The following ABCA10 variants were observed in gnomAD, a reference collection of about 807,000 sequenced individuals.
ABCA10 encodes ATP-binding cassette sub-family A member 10.
A neutral mutation model predicts 187.5 loss-of-function variants in ABCA10; 169 were observed. That is an observed-to-expected ratio of 0.90 (90% CI 0.80 to 1.02). ABCA10 has a LOEUF of 1.02. Among genes scored for constraint, ABCA10 ranks in the 50% least tolerant of loss-of-function variants. ABCA10 has a pLI of 0.00. For synonymous variants in ABCA10, 574 were observed against 601.8 expected (o/e 0.95, Z 0.68); for missense variants, 1,727 against 1,812.4 (o/e 0.95, Z 0.86).
intron 2 of ABCA10, 69 bp from the exon 3 acceptor site, chr17:69,225,598 C>T: frequency 2.5e-6 from 1 of 407,412 alleles, no homozygotes; most frequent in Non-Finnish European, 4.4e-6. Context: ...CATCCAAACA[C>T]ATTTTTAAGG....
intron 23 of ABCA10, 138 bp from the exon 24 acceptor site, chr17:69,174,915 C>A (rs558079778): frequency 3.0e-6 from 2 of 675,822 alleles, no homozygotes; most frequent in African/African-American, 1.9e-5. Context: ...TCCTAAAAAT[C>A]TAGCATCTCC....
rs960479548 is a variant in ABCA10, at chr17:69,148,294, C to A, written c.*533G>T. ...CTTTCTTACAGATTATGGCTATCTTCTTCCATATAACTTCAATATGTACTA... is the reference window on the plus strand; with the variant it reads ...CTTTCTTACAGATTATGGCTATCTTATTCCATATAACTTCAATATGTACTA... On this transcript the variant is annotated 3_prime_UTR_variant, in exon 39 of 39. Coordinates refer to ENST00000690296, the MANE Select transcript of ABCA10 (RefSeq NM_001377321.1). 6 of 152,318 alleles carry A rather than the reference C, an allele frequency of 3.9e-5. No individual in the cohort carries two copies. Among genetic ancestry groups the A allele is most frequent in the Admixed American group, 3.9e-4 (6 of 15,288 alleles). 9.4% of individuals were successfully genotyped at this position (152,318 alleles called of 1,614,324 possible).
At chr17:69,225,647 T>C (rs2074787977) in intron 2 of ABCA10, 118 bp from the exon 3 acceptor site, 1 of 348,258 alleles carries the variant, frequency 2.9e-6, no homozygotes, top group African/African-American at 2.1e-5. Flanking sequence ...CATTTCAGTC[T>C]GTAATTTTTT....
intron 15 of ABCA10, among the ~76,000 whole-genome samples, 163 bp from the exon 16 acceptor site, chr17:69,192,816 T>C (rs893278718): frequency 5.3e-5 from 8 of 152,230 alleles, no homozygotes; most frequent in South Asian, 4.1e-4. Context: ...CCCATGCCTA[T>C]TGTGAAACAG....
At chr17:69,176,876 A>G (rs1433124447) in intron 22 of ABCA10, among the ~76,000 whole-genome samples, 1 of 152,116 alleles carries the variant, frequency 6.6e-6, no homozygotes, top group African/African-American at 2.4e-5. Context: ...ATAAAGGGGG[A>G]CTACTGTACT....
rs1211935821 is a variant in ABCA10 at position 69,148,843 on chromosome 17, G to A, written c.4616C>T (p.Pro1539Leu). ...IDTTVEWKLL[P>L]QEDP ...TTCTTCATTTTAAGGGTCTTCCTGT[G>A]GGAGAAGTTTCCATTCAACTGTTGT... is the stretch of plus-strand genomic sequence containing the variant. Residue 1539 changes from proline to leucine, a missense_variant, in exon 39 of 39, where the codon CCA becomes CTA. Physicochemically the swap from Pro to Leu is moderately conservative, Grantham distance 98. Transcript: ENST00000690296. 4 of 1,612,414 alleles carry A rather than the reference G, an allele frequency of 2.5e-6. No homozygotes were observed. Among genetic ancestry groups the A allele is most frequent in the Non-Finnish European group, 3.4e-6 (4 of 1,179,616 alleles).
In ABCA10 at chr17:69,205,906, TATTA is replaced by T. The variant is rs774235239; in HGVS notation, c.1007-4242_1007-4239del. On this transcript the variant is annotated intron_variant, in intron 9 of 38. Coordinates refer to ENST00000690296, the MANE Select transcript of ABCA10 (RefSeq NM_001377321.1). ...TAGAGATGAGGAATTTGTGTTACCA[TATTA>T]ATTATCAAAAAGCTCTCAGTTCGAT... Among the ~76,000 whole-genome samples, 17 of 152,310 alleles carry T rather than the reference TATTA, an allele frequency of 1.1e-4. No individual in the cohort carries two copies. The South Asian group carries it at 2.3e-3, about 20-fold the overall frequency.
At chr17:69,180,708 CTG>C (rs766032536) in intron 22 of ABCA10, among the ~76,000 whole-genome samples, 13 of 152,100 alleles carry the variant, frequency 8.5e-5, no homozygotes, top group Non-Finnish European at 5.9e-5. Context: ...CAGAGAGACA[CTG>C]TATTGTTTTA....
At chr17:69,151,373 C>T (rs2074127089) in intron 36 of ABCA10, among the ~76,000 whole-genome samples, 1 of 152,108 alleles carries the variant, frequency 6.6e-6, no homozygotes, top group African/African-American at 2.4e-5. Flanking sequence ...AAGGAAGAAC[C>T]TTGTCTATTT....
intron 1 of ABCA10, among the ~76,000 whole-genome samples, chr17:69,243,039 A>T (rs1332475343): frequency 2.0e-5 from 3 of 152,176 alleles, no homozygotes; most frequent in Non-Finnish European, 4.4e-5. Flanking sequence ...AGTTTAGTTG[A>T]TAGATACCCC....
At chr17:69,235,301 G>T (rs188102360) in intron 1 of ABCA10, among the ~76,000 whole-genome samples, 48 of 152,292 alleles carry the variant, frequency 3.2e-4, no homozygotes, top group Admixed American at 7.8e-4. Context: ...TATAACCGGT[G>T]ATTACAATCT....
intron 9 of ABCA10, among the ~76,000 whole-genome samples, chr17:69,204,434 G>A (rs1467873958): frequency 6.6e-6 from 1 of 152,134 alleles, no homozygotes; most frequent in Non-Finnish European, 1.5e-5. Flanking sequence ...AAGATGATTT[G>A]TTTTTAAGAC....
chr17:69,241,118 C>T (rs2074900949), intron 1 of ABCA10, among the ~76,000 whole-genome samples: 1 of 152,180 alleles, frequency 6.6e-6, no homozygotes, highest in Admixed American at 6.5e-5. Context: ...CTTCCACGGT[C>T]TTCTTCATCC....
chr17:69,194,579 C>G, intron 11 of ABCA10, 84 bp from the exon 12 acceptor site: 1 of 831,750 alleles, frequency 1.2e-6, no homozygotes, highest in South Asian at 1.9e-5. Context: ...TAAAATATAT[C>G]TCAGCATTTC....
intron 23 of ABCA10, 22 bp from the exon 24 acceptor site, chr17:69,174,799 A>T: frequency 1.3e-6 from 2 of 1,528,800 alleles, no homozygotes; most frequent in South Asian, 2.7e-5. Flanking sequence ...TAGAAGGGAT[A>T]GAGGAAGGGA....
At chr17:69,237,792 A>C (rs2074880876) in intron 1 of ABCA10, among the ~76,000 whole-genome samples, 1 of 152,170 alleles carries the variant, frequency 6.6e-6, no homozygotes, top group Non-Finnish European at 1.5e-5. Flanking sequence ...TTTGAAGAAG[A>C]CACAAGACAT....
chr17:69,153,876 G>A lies in ABCA10; in HGVS notation c.3920C>T (p.Ala1307Val), dbSNP rs937091663. 3.1e-6 allele frequency: 5 copies of A among 1,613,990 alleles called. No homozygotes were observed. The highest frequency in any genetic ancestry group is 4.2e-6 in the Non-Finnish European group (5 of 1,179,992). Residue 1307 changes from alanine (A) to valine (V), a missense_variant, in exon 32 of 39, where the codon GCT becomes GTT. Ala to Val is a moderately conservative substitution (Grantham distance 64). Coordinates refer to ENST00000690296, the MANE Select transcript of ABCA10 (RefSeq NM_001377321.1). ...TMKEHLELYA[A>V]VKGLGKEDAA... Reference sequence around the variant, plus strand: ...ATCTTCTTTGCCCAGTCCTTTCACAGCTGCATACAACTCCAAGTGCTCTTT... The same window carrying A: ...ATCTTCTTTGCCCAGTCCTTTCACAACTGCATACAACTCCAAGTGCTCTTT...
At chr17:69,197,325 T>G (rs1169597291) in intron 10 of ABCA10, among the ~76,000 whole-genome samples, 1 of 151,778 alleles carries the variant, frequency 6.6e-6, no homozygotes, top group East Asian at 1.9e-4. Flanking sequence ...AAACTTGGCA[T>G]TTCATATATT....
At chr17:69,154,083 G>C (rs574002350) in intron 31 of ABCA10, 74 bp from the exon 32 acceptor site, 2 of 1,537,682 alleles carry the variant, frequency 1.3e-6, no homozygotes, top group African/African-American at 2.8e-5. Flanking sequence ...GGAGATAAAA[G>C]TGGCCATTAA....
Sources: gnomAD v4.1 joint callset for allele counts (sites outside exome capture counted in the v4.1 genomes callset) on GRCh38, gnomAD v4.1.1 for gene constraint, MANE v1.5 for transcripts, NCBI Gene and HGNC (gene_info 2026-07-23, HGNC 2026-07-21) for gene names.